Variants in THEMIS observed in about 807,000 individuals in gnomAD.
The protein encoded by THEMIS is thymocyte selection associated, also known as protein THEMIS.
THEMIS carries 37 observed loss-of-function variants against 52.6 expected under a neutral mutation model. The observed-to-expected ratio is 0.70, with a 90% confidence interval of 0.54 to 0.93. The LOEUF is 0.93. Among genes scored for constraint, THEMIS ranks in the 40% least tolerant of loss-of-function variants. The pLI is 0.00. For missense variants in THEMIS, 808 were observed against 763.1 expected, an observed-to-expected ratio of 1.06 and a Z score of -0.69; for synonymous variants, 292 against 272.7, an observed-to-expected ratio of 1.07 and a Z score of -0.70.
At chr6:127,870,045 A>T (rs1023319374) in intron 1 of THEMIS, among the ~76,000 whole-genome samples, 1 of 152,190 alleles carries the variant, frequency 6.6e-6, no homozygotes, top group African/African-American at 2.4e-5. Flanking sequence ...TTTTGAAGGC[A>T]ATAACAGTTC....
At chr6:127,706,752 A>G (rs1020579457), downstream of THEMIS, among the ~76,000 whole-genome samples, 1 of 152,112 alleles carries the variant, frequency 6.6e-6, no homozygotes, top group Non-Finnish European at 1.5e-5. Context: ...AGGCACATTG[A>G]GAAGGTAATA....
At chr6:127,851,562 T>C (rs980989637) in intron 2 of THEMIS, among the ~76,000 whole-genome samples, 7 of 151,766 alleles carry the variant, frequency 4.6e-5, no homozygotes, top group Middle Eastern at 3.2e-3. Flanking sequence ...AAAGAAGATG[T>C]ACTGATAGCA....
rs187941117 is a variant in THEMIS at position 127,800,131 on chromosome 6, T to A, written c.1758+12752A>T. Among the ~76,000 whole-genome samples the A allele has an allele frequency of 3.8e-4, 58 of 152,306 alleles. 2 individuals carry two copies. In the East Asian group the frequency reaches 0.011, roughly 29 times the overall value. ...TTTCTCATCTGTAAAATTGGGATAA[T>A]AATAATTAGGGAATTAATTTCACTA... On this transcript the variant is annotated intron_variant, in intron 4 of 5. Transcript: ENST00000368248.
chr6:127,901,669 GT>G (rs375245574), upstream of THEMIS, among the ~76,000 whole-genome samples: 52 of 152,156 alleles, frequency 3.4e-4, no homozygotes, highest in South Asian at 0.011. Flanking sequence ...ATAGTAGAAA[GT>G]ATTAAAATTA....
intron 1 of THEMIS, among the ~76,000 whole-genome samples, chr6:127,911,571 A>G (rs2114531804): frequency 6.6e-6 from 1 of 151,528 alleles, no homozygotes; most frequent in Middle Eastern, 3.4e-3. Flanking sequence ...TTCTACATGT[A>G]TTCATCTGTA....
intron 1 of THEMIS, chr6:127,918,391 T>C (rs1781569224): frequency 6.6e-6 from 1 of 152,060 alleles, no homozygotes; most frequent in Admixed American, 6.6e-5. Flanking sequence ...GCCCATAAAA[T>C]CTTATGCAAG....
chr6:127,809,001 G>A (rs1198183357), intron 4 of THEMIS, among the ~76,000 whole-genome samples: 2 of 152,166 alleles, frequency 1.3e-5, no homozygotes, highest in Admixed American at 1.3e-4. Context: ...ACATCTGTCT[G>A]TTACTTAATG....
intron 4 of THEMIS, among the ~76,000 whole-genome samples, chr6:127,793,399 G>A (rs1419046764): frequency 1.3e-5 from 2 of 152,206 alleles, no homozygotes; most frequent in Non-Finnish European, 2.9e-5. Flanking sequence ...AAGTGGAGGA[G>A]TTGTGATTCT....
intron 4 of THEMIS, among the ~76,000 whole-genome samples, chr6:127,734,090 T>G (rs1249133448): frequency 2.0e-5 from 3 of 152,052 alleles, no homozygotes; most frequent in Non-Finnish European, 4.4e-5. Context: ...CAAATACAGT[T>G]TCTCCAACAA....
intron 4 of THEMIS, among the ~76,000 whole-genome samples, chr6:127,744,982 C>T (rs1775337918): frequency 6.6e-6 from 1 of 151,642 alleles, no homozygotes; most frequent in Non-Finnish European, 1.5e-5. Context: ...AAATGGTATA[C>T]CTTAAATATG....
At chr6:127,748,292 G>C (rs1775518328) in intron 4 of THEMIS, among the ~76,000 whole-genome samples, 1 of 152,080 alleles carries the variant, frequency 6.6e-6, no homozygotes, top group African/African-American at 2.4e-5. Context: ...CTAAAAACGA[G>C]TGGCTGCATC....
rs145467706 is a variant in THEMIS, at chr6:127,782,560, T to C, written c.1758+30323A>G. On this transcript the variant is annotated intron_variant, in intron 4 of 5. Coordinates refer to ENST00000368248, the MANE Select transcript of THEMIS (RefSeq NM_001010923.3). Reference sequence around the variant, plus strand: ...CCCTTGGCTAGGGAAGGGAGTTCCCTGACCCCTTGCACTTCCCTGGTGAGG... The same window carrying C: ...CCCTTGGCTAGGGAAGGGAGTTCCCCGACCCCTTGCACTTCCCTGGTGAGG... Among the ~76,000 whole-genome samples the C allele has an allele frequency of 3.5e-3, 529 of 152,358 alleles. 2 individuals are homozygous for C. The highest frequency in any genetic ancestry group is 0.012 in the African/African-American group (495 of 41,592).
At chr6:127,906,742 G>C (rs1009041812) in intron 1 of THEMIS, among the ~76,000 whole-genome samples, 1 of 151,874 alleles carries the variant, frequency 6.6e-6, no homozygotes, top group Non-Finnish European at 1.5e-5. Context: ...TTCTGCTAAA[G>C]AACAGAGAAG....
At chr6:127,827,460 G>A (rs764906490) in intron 3 of THEMIS, among the ~76,000 whole-genome samples, 6 of 152,128 alleles carry the variant, frequency 3.9e-5, no homozygotes, top group East Asian at 1.9e-4. Context: ...AATTTAAATA[G>A]CATTAAAGAA....
intron 1 of THEMIS, among the ~76,000 whole-genome samples, chr6:127,910,860 A>T (rs746082188): frequency 1.8e-4 from 28 of 152,092 alleles, no homozygotes; most frequent in Non-Finnish European, 3.7e-4. Context: ...CCTTTTTAGG[A>T]TCCCATTCAG....
intron 1 of THEMIS, among the ~76,000 whole-genome samples, chr6:127,917,650 T>G (rs2114546067): frequency 6.6e-6 from 1 of 152,324 alleles, no homozygotes; most frequent in South Asian, 2.1e-4. Context: ...TCAGCCACAG[T>G]TATATCATCT....
chr6:127,761,391 G>A (rs1583244541), intron 4 of THEMIS, among the ~76,000 whole-genome samples: 1 of 152,204 alleles, frequency 6.6e-6, no homozygotes, highest in East Asian at 1.9e-4. Context: ...AAAGACCCAA[G>A]AAGCTATTAA....
chr6:127,752,943 A>ATG (rs1231726198), intron 4 of THEMIS, among the ~76,000 whole-genome samples: 24 of 152,068 alleles, frequency 1.6e-4, no homozygotes, highest in African/African-American at 5.8e-4. Flanking sequence ...AACCGAATTC[A>ATG]ATAACATATT....
intron 2 of THEMIS, among the ~76,000 whole-genome samples, chr6:127,854,598 A>G (rs1005630897): frequency 6.6e-6 from 1 of 151,860 alleles, no homozygotes; most frequent in Admixed American, 6.6e-5. Context: ...CCGACTTTTC[A>G]GTAATATTAG....
Sources: gnomAD v4.1 joint callset for allele counts (sites outside exome capture counted in the v4.1 genomes callset) on GRCh38, gnomAD v4.1.1 for gene constraint, MANE v1.5 for transcripts, NCBI Gene and HGNC (gene_info 2026-07-23, HGNC 2026-07-21) for gene names.